Variants in IFITM5 observed in about 807,000 individuals in gnomAD.
IFITM5 encodes the protein interferon-induced transmembrane protein 5.
IFITM5 carries 10 observed loss-of-function variants against 9.2 expected under a neutral mutation model. That is an observed-to-expected ratio of 1.09 (90% CI 0.67 to 1.85). IFITM5 has a LOEUF of 1.85. Among genes scored for constraint, IFITM5 ranks in the 40% most tolerant of loss-of-function variants. The probability of loss-of-function intolerance (pLI) is 0.00; values close to 1 mark genes in which losing one functional copy is unlikely to be tolerated. For missense variants in IFITM5, 225 were observed against 182.6 expected, an observed-to-expected ratio of 1.23 and a Z score of -1.34; for synonymous variants, 93 against 86.6, an observed-to-expected ratio of 1.07 and a Z score of -0.41.
Position 299,462 on chromosome 11 carries a change from G to C in IFITM5, c.29C>G (p.Thr10Ser). Residue 10 changes from threonine (T) to serine (S), a missense_variant, in exon 1 of 2, where the codon ACC becomes AGC. Thr to Ser is a moderately conservative substitution (Grantham distance 58). Transcript: ENST00000382614. The stretch of plus-strand genomic sequence containing the variant: ...GGCCTTGCTGGGCGTGGGGGCCCGG[G>C]TGTCCTCGCGGGGATACGCCGTGTC... MDTAYPRED[T>S]RAPTPSKAGA... The C allele has an allele frequency of 1.3e-6, 2 of 1,514,292 alleles. No individual in the cohort carries two copies. The highest frequency in any genetic ancestry group is 1.8e-6 in the Non-Finnish European group (2 of 1,130,840). The allele number at this position is 1,514,292 out of a possible 1,614,324, so 93.8% of individuals were successfully genotyped here.
rs552104680 is a variant in IFITM5 at position 299,423 on chromosome 11, G to A, written c.68C>T (p.Ala23Val). 2.3e-5 allele frequency: 36 copies of A among 1,550,148 alleles called. No individual in the cohort carries two copies. The African/African-American group carries it at 4.4e-4, about 19-fold the overall frequency. ...PTPSKAGAHTALTLGAPHPPP... is the reference protein window; with the variant it reads ...PTPSKAGAHTVLTLGAPHPPP... ...GGGGTGCGGGGCCCCCAGTGTGAGG[G>A]CTGTGTGGGCACCGGCCTTGCTGGG... Residue 23 changes from alanine to valine, a missense_variant, in exon 1 of 2, where the codon GCC becomes GTC. Ala to Val is a moderately conservative substitution (Grantham distance 64, BLOSUM62 0). Transcript: ENST00000382614.
chr11:298,366 C>A lies in IFITM5; in HGVS notation c.*135G>T, dbSNP rs1271661848. 3 of 973,792 alleles carry A rather than the reference C, an allele frequency of 3.1e-6. No homozygotes were observed. The highest frequency in any genetic ancestry group is 4.5e-6 in the Non-Finnish European group (3 of 668,258). 60.3% of individuals were successfully genotyped at this position (973,792 alleles called of 1,614,324 possible). A position where few individuals can be genotyped will look rare whatever the true frequency, so the allele number is the denominator to read the frequency against. On this transcript the variant is annotated 3_prime_UTR_variant, in exon 2 of 2. Coordinates refer to ENST00000382614, the MANE Select transcript of IFITM5 (RefSeq NM_001025295.3). Reference sequence around the variant, plus strand: ...GTGCCCATGTTGGGGCTGGAGGGCCCCAGGATCAGGATGGGGCAGGGATGG... The same window carrying A: ...GTGCCCATGTTGGGGCTGGAGGGCCACAGGATCAGGATGGGGCAGGGATGG...
At chr11:299,129 C>A (rs1164115230) in intron 1 of IFITM5, among the ~76,000 whole-genome samples, 176 bp downstream of exon 1, 1 of 151,112 alleles carries the variant, frequency 6.6e-6, no homozygotes, top group Non-Finnish European at 1.5e-5. Context: ...TCGTGAGGAG[C>A]TCTTTCCCGG....
rs1286372730 is a variant in IFITM5, at chr11:299,399, G to A, written c.92C>T (p.Pro31Leu). 2 of 1,573,880 alleles carry A rather than the reference G, an allele frequency of 1.3e-6. No individual in the cohort carries two copies. The highest frequency in any genetic ancestry group is 1.7e-6 in the Non-Finnish European group (2 of 1,160,672). ...CCAGATCAAGTGGTCTCGAGGCGGG[G>A]GGTGCGGGGCCCCCAGTGTGAGGGC... ...HTALTLGAPHPPPRDHLIWSV... is the reference protein window; with the variant it reads ...HTALTLGAPHLPPRDHLIWSV... Residue 31 changes from proline to leucine, a missense_variant, in exon 1 of 2, where the codon CCC (proline) becomes CTC (leucine). By Grantham distance (98) the Pro-to-Leu change is moderately conservative (BLOSUM62 -3). Transcript: ENST00000382614.
At chr11:299,070 C>T (rs1323774097) in intron 1 of IFITM5, among the ~76,000 whole-genome samples, 1 of 152,162 alleles carries the variant, frequency 6.6e-6, no homozygotes, top group Non-Finnish European at 1.5e-5. Flanking sequence ...GGCCTCTGTG[C>T]TCTTGGATGG....
rs776961228 is a variant in IFITM5, at chr11:299,406, G to T, written c.85C>A (p.Pro29Thr). ...AAGTGGTCTCGAGGCGGGGGGTGCG[G>T]GGCCCCCAGTGTGAGGGCTGTGTGG... ...GAHTALTLGA[P>T]HPPPRDHLIW... The change falls in exon 1 of 2, where the codon CCG becomes ACG. Residue 29 changes from proline to threonine, a missense_variant. Transcript: ENST00000382614. 1 of 1,566,018 alleles carries T rather than the reference G, an allele frequency of 6.4e-7. No individual in the cohort carries two copies. Among genetic ancestry groups the T allele is most frequent in the East Asian group, 2.4e-5 (1 of 41,936 alleles).
Position 298,545 on chromosome 11 carries a change from C to G in IFITM5, c.355G>C (p.Ala119Pro). 1 of 1,612,830 alleles carries G rather than the reference C, an allele frequency of 6.2e-7. No individual in the cohort carries two copies. Among genetic ancestry groups the G allele is most frequent in the South Asian group, 1.1e-5 (1 of 91,054 alleles). ...LHLARLAKDS[A>P]AFFSTKFDDA... ...TCAAACTTGGTGCTGAAGAAGGCGG[C>G]AGAGTCCTTGGCCAGCCGGGCCAGG... The change falls in exon 2 of 2, where the codon GCC becomes CCC. Residue 119 changes from alanine to proline, a missense_variant. Transcript: ENST00000382614.
At chr11:298,997 C>T (rs995861429) in intron 1 of IFITM5, among the ~76,000 whole-genome samples, 1 of 152,130 alleles carries the variant, frequency 6.6e-6, no homozygotes, top group Non-Finnish European at 1.5e-5. Context: ...GACCTCTGTT[C>T]CAGAAGCCCA....
At position 299,397 on chromosome 11, in the gene IFITM5, G is replaced by A. The variant is rs1454218136; in HGVS notation, c.94C>T (p.Pro32Ser). ...TALTLGAPHP[P>S]PRDHLIWSVF... ...GACCAGATCAAGTGGTCTCGAGGCG[G>A]GGGGTGCGGGGCCCCCAGTGTGAGG... The change falls in exon 1 of 2, where the codon CCG becomes TCG. Residue 32 changes from proline to serine, a missense_variant. Pro to Ser is a moderately conservative substitution (Grantham distance 74). Transcript: ENST00000382614. 7 of 1,573,074 alleles carry A rather than the reference G, an allele frequency of 4.4e-6. No homozygotes were observed. The highest frequency in any genetic ancestry group is 6.0e-6 in the Non-Finnish European group (7 of 1,160,290).
At chr11:298,749 T>C (rs750449912) in intron 1 of IFITM5, 36 bp from the exon 2 acceptor site, 70 of 1,591,832 alleles carry the variant, frequency 4.4e-5, no homozygotes, top group Non-Finnish European at 5.9e-5. Context: ...CAGATCTCTA[T>C]GTGTCCTCGG....
In IFITM5 at chr11:299,393, G is replaced by A. The variant is rs1845903521; in HGVS notation, c.98C>T (p.Pro33Leu). The A allele has an allele frequency of 6.3e-7, 1 of 1,576,982 alleles. No individual in the cohort carries two copies. The highest frequency in any genetic ancestry group is 8.6e-7 in the Non-Finnish European group (1 of 1,162,676). ...ALTLGAPHPPPRDHLIWSVFS... is the reference protein window; with the variant it reads ...ALTLGAPHPPLRDHLIWSVFS... ...CACCGACCAGATCAAGTGGTCTCGA[G>A]GCGGGGGGTGCGGGGCCCCCAGTGT... Residue 33 changes from proline (P) to leucine (L), a missense_variant, in exon 1 of 2, where the codon CCT becomes CTT. Transcript: ENST00000382614.
chr11:298,715 T>C lies in IFITM5; in HGVS notation c.187-2A>G, dbSNP rs760293020. The C allele has an allele frequency of 1.7e-5, 27 of 1,612,812 alleles. No homozygotes were observed. The highest frequency in any genetic ancestry group is 1.6e-4 in the South Asian group (15 of 90,990). Reference sequence around the variant, plus strand: ...ACCAACCACCTTCTGATCTCGGGCCTGCAGAGAGACCAGACCACAGGGCCA... The same window carrying C: ...ACCAACCACCTTCTGATCTCGGGCCCGCAGAGAGACCAGACCACAGGGCCA... On this transcript the variant is annotated splice_acceptor_variant, in intron 1 of 1. Transcript: ENST00000382614. LOFTEE classifies it high-confidence loss of function.
At position 299,483 on chromosome 11, in the gene IFITM5, G is replaced by T. The variant is rs376963969; in HGVS notation, c.8C>A (p.Thr3Lys). 2 of 1,476,894 alleles carry T rather than the reference G, an allele frequency of 1.4e-6. No homozygotes were observed. Among genetic ancestry groups the T allele is most frequent in the African/African-American group, 2.9e-5 (2 of 69,724 alleles). 91.5% of individuals were successfully genotyped at this position (1,476,894 alleles called of 1,614,324 possible). A position where few individuals can be genotyped will look rare whatever the true frequency, so the allele number is the denominator to read the frequency against. ...CCGGGTGTCCTCGCGGGGATACGCC[G>T]TGTCCATGGGTTCCAGCGCCGTCTC... MD[T>K]AYPREDTRAP... Residue 3 changes from threonine to lysine, a missense_variant, in exon 1 of 2, where the codon ACG becomes AAG. Physicochemically the swap from Thr to Lys is moderately conservative, Grantham distance 78. Coordinates refer to ENST00000382614, the MANE Select transcript of IFITM5 (RefSeq NM_001025295.3).
In IFITM5 at chr11:298,674, G is replaced by A. The variant is rs374350236; in HGVS notation, c.226C>T (p.Arg76Trp). 3.6e-5 allele frequency: 58 copies of A among 1,613,680 alleles called. No homozygotes were observed. In the South Asian group the frequency reaches 4.6e-4, roughly 13 times the overall value. ...QKVVGDLEAA[R>W]RFGSKAKCYN... ...CACTTGGCTTTGGAGCCAAAACGCCGGGCCGCTTCCAGGTCACCAACCACC... is the reference window on the plus strand; with the variant it reads ...CACTTGGCTTTGGAGCCAAAACGCCAGGCCGCTTCCAGGTCACCAACCACC... Residue 76 changes from arginine to tryptophan, a missense_variant, in exon 2 of 2, where the codon CGG becomes TGG. Coordinates refer to ENST00000382614, the MANE Select transcript of IFITM5 (RefSeq NM_001025295.3).
At position 299,456 on chromosome 11, in the gene IFITM5, G is replaced by GCC. The variant is rs1564845897; in HGVS notation, c.33_34dup (p.Ala12GlyfsTer27). 8 of 1,519,788 alleles carry GCC rather than the reference G, an allele frequency of 5.3e-6. No individual in the cohort carries two copies. The East Asian group carries it at 2.0e-4, about 37-fold the overall frequency. 94.1% of individuals were successfully genotyped at this position (1,519,788 alleles called of 1,614,324 possible). ...GGCACCGGCCTTGCTGGGCGTGGGGGCCCGGGTGTCCTCGCGGGGATACGC... is the reference window on the plus strand; with the variant it reads ...GGCACCGGCCTTGCTGGGCGTGGGGGCCCCCGGGTGTCCTCGCGGGGATACGC... On this transcript the variant is annotated frameshift_variant, in exon 1 of 2. Coordinates refer to ENST00000382614, the MANE Select transcript of IFITM5 (RefSeq NM_001025295.3). LOFTEE classifies it high-confidence loss of function.
chr11:299,505 T>C lies in IFITM5; in HGVS notation c.-15A>G. On this transcript the variant is annotated 5_prime_UTR_variant, in exon 1 of 2. Transcript: ENST00000382614. ...GCCGTGTCCATGGGTTCCAGCGCCG[T>C]CTCTTCCACACTCAGACTGGTGCTG... The C allele has an allele frequency of 1.4e-6, 2 of 1,456,160 alleles. No individual in the cohort carries two copies. The highest frequency in any genetic ancestry group is 9.1e-7 in the Non-Finnish European group (1 of 1,103,260). The allele number at this position is 1,456,160 out of a possible 1,614,324, so 90.2% of individuals were successfully genotyped here. A position where few individuals can be genotyped will look rare whatever the true frequency, so the allele number is the denominator to read the frequency against.
chr11:299,465 T>C lies in IFITM5; in HGVS notation c.26A>G (p.Asp9Gly), dbSNP rs767982316. The change falls in exon 1 of 2, where the codon GAC becomes GGC. Residue 9 changes from aspartate to glycine, a missense_variant. Coordinates refer to ENST00000382614, the MANE Select transcript of IFITM5 (RefSeq NM_001025295.3). MDTAYPREDTRAPTPSKAG... is the reference protein window; with the variant it reads MDTAYPREGTRAPTPSKAG... ...CTTGCTGGGCGTGGGGGCCCGGGTG[T>C]CCTCGCGGGGATACGCCGTGTCCAT... is the stretch of plus-strand genomic sequence containing the variant. 2.6e-6 allele frequency: 4 copies of C among 1,510,368 alleles called. No homozygotes were observed. In the Admixed American group the frequency reaches 8.9e-5, roughly 34 times the overall value. 93.6% of individuals were successfully genotyped at this position (1,510,368 alleles called of 1,614,324 possible).
chr11:298,756 TCGGGGCCTGGGGGCC>T, intron 1 of IFITM5, 43 bp from the exon 2 acceptor site: 1 of 1,573,122 alleles, frequency 6.4e-7, no homozygotes, highest in Non-Finnish European at 8.7e-7. Flanking sequence ...CTATGTGTCC[TCGGGGCCTGGGGGCC>T]CTTCCCCACC....
chr11:299,158 C>CCA (rs1845899624), intron 1 of IFITM5, 147 bp downstream of exon 1: 2 of 674,098 alleles, frequency 3.0e-6, no homozygotes, highest in Non-Finnish European at 4.9e-6. Flanking sequence ...ATAGCTGTGC[C>CCA]CACAGAGCCC....
Sources: allele counts gnomAD v4.1 joint callset (sites outside exome capture counted in the v4.1 genomes callset), GRCh38; gene constraint gnomAD v4.1.1; transcripts MANE v1.5; gene names NCBI Gene and HGNC (gene_info 2026-07-23, HGNC 2026-07-21).